The following CDH13 variants were observed in gnomAD, a reference collection of about 807,000 sequenced individuals.
CDH13 encodes the protein cadherin 13.
A neutral mutation model predicts 63.8 loss-of-function variants in CDH13; 24 were observed. The ratio of observed to expected loss-of-function variants is 0.38; its 90% confidence interval spans 0.27 to 0.53. The LOEUF (loss-of-function observed/expected upper bound fraction) is 0.53, where lower values mean the gene tolerates loss of function less well. Ranked by LOEUF, CDH13 falls within the 20% of genes least tolerant of loss-of-function variation. The pLI is 0.85. For missense variants in CDH13, 1,049 were observed against 903.1 expected, an observed-to-expected ratio of 1.16 and a Z score of -2.07; for synonymous variants, 503 against 355.3, an observed-to-expected ratio of 1.42 and a Z score of -4.67.
At chr16:83,198,229 A>G (rs558934189) in intron 4 of CDH13, among the ~76,000 whole-genome samples, 1 of 152,180 alleles carries the variant, frequency 6.6e-6, no homozygotes, top group East Asian at 1.9e-4. Flanking sequence ...AAGTACAACA[A>G]TTTACAGCAC....
chr16:82,912,151 A>G (rs1418010626), intron 2 of CDH13, among the ~76,000 whole-genome samples: 1 of 151,344 alleles, frequency 6.6e-6, no homozygotes, highest in Non-Finnish European at 1.5e-5. Context: ...TCTCCCCTTA[A>G]TCTCCAGCCC....
At chr16:82,774,462 G>C (rs1768445463) in intron 1 of CDH13, among the ~76,000 whole-genome samples, 1 of 152,116 alleles carries the variant, frequency 6.6e-6, no homozygotes, top group Non-Finnish European at 1.5e-5. Context: ...ACATAACATA[G>C]AGGAAGCACT....
At chr16:82,838,386 C>T (rs1479593743) in intron 1 of CDH13, among the ~76,000 whole-genome samples, 1 of 152,106 alleles carries the variant, frequency 6.6e-6, no homozygotes, top group African/African-American at 2.4e-5. Context: ...TCAATATTTG[C>T]CTCATGGATA....
At chr16:83,785,524 T>A (rs1915822330) in intron 13 of CDH13, among the ~76,000 whole-genome samples, 1 of 152,132 alleles carries the variant, frequency 6.6e-6, no homozygotes, top group Non-Finnish European at 1.5e-5. Flanking sequence ...TACCATGAAT[T>A]TATAGCAACA....
At chr16:83,368,343 T>C (rs1476153875) in intron 6 of CDH13, among the ~76,000 whole-genome samples, 1 of 152,212 alleles carries the variant, frequency 6.6e-6, no homozygotes, top group Non-Finnish European at 1.5e-5. Context: ...TATTTGAGCT[T>C]ACCTTTCTAA....
rs528884082 is a variant in CDH13, at chr16:83,486,004, G to A, written c.782-473G>A. Among the ~76,000 whole-genome samples the A allele has an allele frequency of 1.3e-4, 20 of 152,264 alleles. No homozygotes were observed. The South Asian group carries it at 1.5e-3, about 11-fold the overall frequency. ...CCAAAAATACAAATATTAACTGGGC[G>A]TGATGACACACAACTGTAATCCCAG... is the stretch of plus-strand genomic sequence containing the variant. On this transcript the variant is annotated intron_variant, in intron 6 of 13. Coordinates refer to ENST00000567109, the MANE Select transcript of CDH13 (RefSeq NM_001257.5).
intron 5 of CDH13, among the ~76,000 whole-genome samples, chr16:83,260,244 A>G (rs139757426): frequency 0.013 from 2,023 of 152,238 alleles, 16 homozygotes; most frequent in Non-Finnish European, 0.02. Context: ...GTCATGACCT[A>G]TAAATTGATT....
At chr16:83,572,992 GCT>G (rs1195507674) in intron 7 of CDH13, among the ~76,000 whole-genome samples, 3 of 152,142 alleles carry the variant, frequency 2.0e-5, no homozygotes, top group African/African-American at 7.2e-5. Flanking sequence ...GAGTGATGAA[GCT>G]CTCTTTTTAG....
chr16:83,280,132 A>C (rs1358669583), intron 5 of CDH13, among the ~76,000 whole-genome samples: 1 of 152,116 alleles, frequency 6.6e-6, no homozygotes, highest in African/African-American at 2.4e-5. Flanking sequence ...TCAAACAAGG[A>C]TTTCTTTTCC....
intron 2 of CDH13, among the ~76,000 whole-genome samples, chr16:83,016,367 A>G (rs1377696905): frequency 2.6e-5 from 4 of 152,220 alleles, no homozygotes; most frequent in African/African-American, 9.6e-5. Flanking sequence ...TAAATGAATT[A>G]ATTGGTTACA....
chr16:83,430,313 T>G (rs960444178), intron 6 of CDH13, among the ~76,000 whole-genome samples: 4 of 151,990 alleles, frequency 2.6e-5, no homozygotes, highest in African/African-American at 9.7e-5. Context: ...TAAAAGACAA[T>G]GGAGAAATAC....
chr16:83,057,109 G>C (rs1162493368), intron 3 of CDH13, among the ~76,000 whole-genome samples: 1 of 152,078 alleles, frequency 6.6e-6, no homozygotes, highest in Admixed American at 6.5e-5. Context: ...TGGGATTACA[G>C]GCACGTGCCA....
intron 3 of CDH13, among the ~76,000 whole-genome samples, chr16:83,070,423 A>G (rs111690479): frequency 1.1e-4 from 16 of 152,250 alleles, no homozygotes; most frequent in African/African-American, 3.9e-4. Context: ...TTCTTAAAGA[A>G]TAAGTTAAGA....
At chr16:82,997,318 T>C (rs1912356238) in intron 2 of CDH13, among the ~76,000 whole-genome samples, 1 of 152,186 alleles carries the variant, frequency 6.6e-6, no homozygotes, top group Admixed American at 6.5e-5. Context: ...AGTATTGTGA[T>C]TGACCCTAAT....
intron 7 of CDH13, among the ~76,000 whole-genome samples, chr16:83,495,593 G>A: frequency 6.6e-6 from 1 of 152,146 alleles, no homozygotes; most frequent in Non-Finnish European, 1.5e-5. Context: ...TCCCCCATAA[G>A]AGACAGCTTT....
rs140484710 is a variant in CDH13 at position 83,775,944 on chromosome 16, G to C, written c.1682-4024G>C. Among the ~76,000 whole-genome samples, 55 of 152,200 alleles carry C rather than the reference G, an allele frequency of 3.6e-4. 1 individual carries two copies. The highest frequency in any genetic ancestry group is 3.4e-3 in the Middle Eastern group (1 of 294). ...ATTTCCTGGGCCCCAGAAATGATTG[G>C]AGCCAAATGGGCTTGTGAGGAATTT... On this transcript the variant is annotated intron_variant, in intron 11 of 13. Coordinates refer to ENST00000567109, the MANE Select transcript of CDH13 (RefSeq NM_001257.5).
intron 10 of CDH13, 140 bp from the exon 11 acceptor site, chr16:83,747,968 A>C (rs1236861123): frequency 1.2e-6 from 1 of 854,852 alleles, no homozygotes; most frequent in Admixed American, 1.9e-5. Flanking sequence ...GTGAATGAGC[A>C]ACTGTAACAG....
At chr16:83,422,501 C>G (rs2071747330) in intron 6 of CDH13, among the ~76,000 whole-genome samples, 1 of 152,158 alleles carries the variant, frequency 6.6e-6, no homozygotes, top group Admixed American at 6.5e-5. Flanking sequence ...TAATTAGAGA[C>G]AGAAAAGAGT....
intron 3 of CDH13, among the ~76,000 whole-genome samples, chr16:83,036,034 A>C (rs1430308915): frequency 1.3e-5 from 2 of 151,558 alleles, no homozygotes; most frequent in African/African-American, 4.8e-5. Flanking sequence ...CTACTGGGTG[A>C]GGAGACTGAG....
Sources: allele counts gnomAD v4.1 joint callset (sites outside exome capture counted in the v4.1 genomes callset), GRCh38; gene constraint gnomAD v4.1.1; transcripts MANE v1.5; gene names NCBI Gene and HGNC (gene_info 2026-07-23, HGNC 2026-07-21).